Variants in DNM1 observed in about 807,000 individuals in gnomAD.
The protein encoded by DNM1 is dynamin 1, also known as dynamin-1.
DNM1 carries 29 observed loss-of-function variants against 104.6 expected under a neutral mutation model. The observed-to-expected ratio is 0.28, with a 90% confidence interval of 0.21 to 0.38. The LOEUF (loss-of-function observed/expected upper bound fraction) is 0.38. Among genes scored for constraint, DNM1 ranks in the 10% least tolerant of loss-of-function variants. The probability of loss-of-function intolerance (pLI) is 1.00; values close to 1 mark genes in which losing one functional copy is unlikely to be tolerated. For missense variants in DNM1, 640 were observed against 1,189.4 expected (o/e 0.54, Z 6.79); for synonymous variants, 445 against 475.8 (o/e 0.94, Z 0.84).
chr9:128,208,358 T>C (rs2131097895), intron 1 of DNM1, among the ~76,000 whole-genome samples: 1 of 152,290 alleles, frequency 6.6e-6, no homozygotes, highest in African/African-American at 2.4e-5. Flanking sequence ...AGCACTCAGC[T>C]CTCTGCTCTG....
chr9:128,212,284 G>T (rs907833139), intron 1 of DNM1, among the ~76,000 whole-genome samples: 4 of 152,198 alleles, frequency 2.6e-5, no homozygotes, highest in Non-Finnish European at 5.9e-5. Context: ...CTGAGTTGGG[G>T]TTCCTTCTCA....
chr9:128,236,480 G>A (rs1051840519), intron 11 of DNM1, among the ~76,000 whole-genome samples: 1 of 152,058 alleles, frequency 6.6e-6, no homozygotes, highest in South Asian at 2.1e-4. Context: ...AATCAGTATC[G>A]AAGTGGTTAA....
Position 128,245,644 on chromosome 9 carries a change from G to A in DNM1, c.1672-750G>A, listed in dbSNP as rs1173252887. Among the ~76,000 whole-genome samples the A allele has an allele frequency of 2.0e-5, 3 of 152,156 alleles. No individual in the cohort carries two copies. Among genetic ancestry groups the A allele is most frequent in the Non-Finnish European group, 2.9e-5 (2 of 68,030 alleles). On this transcript the variant is annotated intron_variant, in intron 15 of 21. Transcript: ENST00000372923. This position sits in a 1 kb window ranked among gnomAD's most constrained non-coding sequence, Gnocchi z 5.2. Reference sequence around the variant, plus strand: ...ACAGCCCATTGTACCACGGTGTGCAGGTAAGATGTGTACCCCAGTATAAGT... The same window carrying A: ...ACAGCCCATTGTACCACGGTGTGCAAGTAAGATGTGTACCCCAGTATAAGT...
At chr9:128,229,039 C>T (rs1160541753) in intron 10 of DNM1, among the ~76,000 whole-genome samples, 1 of 151,806 alleles carries the variant, frequency 6.6e-6, no homozygotes, top group Non-Finnish European at 1.5e-5. Flanking sequence ...TCTAAATATT[C>T]ACCAATAGGA....
chr9:128,214,650 T>C (rs1002985941), intron 1 of DNM1, among the ~76,000 whole-genome samples: 5 of 152,148 alleles, frequency 3.3e-5, no homozygotes, highest in African/African-American at 1.2e-4. Context: ...AGTGTGGCAT[T>C]TGGGGTTCCT....
At chr9:128,207,200 T>C (rs1304863784) in intron 1 of DNM1, among the ~76,000 whole-genome samples, 1 of 152,018 alleles carries the variant, frequency 6.6e-6, no homozygotes. Flanking sequence ...TCTGAACATA[T>C]TGAGCCTGAG....
chr9:128,206,181 C>A (rs1225649161), intron 1 of DNM1, among the ~76,000 whole-genome samples: 3 of 152,066 alleles, frequency 2.0e-5, no homozygotes. Context: ...TGGGGCTTCC[C>A]AGGAGCCAAT....
chr9:128,222,915 C>A lies in DNM1; in HGVS notation c.1196+55C>A. On this transcript the variant is annotated intron_variant, in intron 9 of 21. Coordinates refer to ENST00000372923, the MANE Select transcript of DNM1 (RefSeq NM_004408.4). The surrounding 1 kb of genome is among the most constrained non-coding windows in gnomAD (Gnocchi z 7.8). ...AACCCCAGAAGTAGGGGGTCTGGGA[C>A]AGAGGCACAGGGAGTGATGAAGTGG... The A allele has an allele frequency of 1.3e-6, 2 of 1,551,122 alleles. No homozygotes were observed. Among genetic ancestry groups the A allele is most frequent in the Non-Finnish European group, 1.8e-6 (2 of 1,124,788 alleles).
rs564575514 is a variant in DNM1 at position 128,213,912 on chromosome 9, C to T, written c.162-4319C>T. 2.6e-5 allele frequency among the ~76,000 whole-genome samples: 4 copies of T among 152,228 alleles called. No individual in the cohort carries two copies. The East Asian group carries it at 5.8e-4, about 22-fold the overall frequency. ...TCAGCTTGAAATTCATGAGCTGTGA[C>T]GGGGCTGCCTAGGGTCCCCTGGGGC... On this transcript the variant is annotated intron_variant, in intron 1 of 21. Transcript: ENST00000372923.
intron 10 of DNM1, chr9:128,226,239 G>T: frequency 6.3e-7 from 1 of 1,597,390 alleles, no homozygotes; most frequent in East Asian, 2.2e-5. Flanking sequence ...GCCTCCCGTG[G>T]GCAGAAGGAT....
intron 11 of DNM1, among the ~76,000 whole-genome samples, chr9:128,237,450 A>C (rs1836086432): frequency 6.6e-6 from 1 of 151,934 alleles, no homozygotes. Context: ...TTGTAGAGAC[A>C]GGGTTTCACC....
chr9:128,218,159 C>T lies in DNM1; in HGVS notation c.162-72C>T, dbSNP rs1021582349. On this transcript the variant is annotated intron_variant, in intron 1 of 21. Transcript: ENST00000372923. This position sits in a 1 kb window ranked among gnomAD's most constrained non-coding sequence, Gnocchi z 4.8. ...AAGGAGCTTTGGCTTTCCCAGGGGC[C>T]GGACAGGTACCCCTGGGACAGAGGG... 8 of 1,460,134 alleles carry T rather than the reference C, an allele frequency of 5.5e-6. No homozygotes were observed. The highest frequency in any genetic ancestry group is 2.3e-5 in the East Asian group (1 of 44,116). 90.4% of individuals were successfully genotyped at this position (1,460,134 alleles called of 1,614,324 possible).
intron 1 of DNM1, among the ~76,000 whole-genome samples, chr9:128,211,418 T>C (rs1690379407): frequency 6.6e-6 from 1 of 150,476 alleles, no homozygotes; most frequent in African/African-American, 2.4e-5. Flanking sequence ...CCGTGCCCTC[T>C]CTCTCACTCT....
intron 10 of DNM1, among the ~76,000 whole-genome samples, chr9:128,225,202 C>G (rs909594688): frequency 6.6e-6 from 1 of 152,332 alleles, no homozygotes; most frequent in South Asian, 2.1e-4. Context: ...TTCCACCCTC[C>G]AGCCTCCCTT....
chr9:128,209,796 C>T (rs1043711099), intron 1 of DNM1, among the ~76,000 whole-genome samples: 1 of 152,220 alleles, frequency 6.6e-6, no homozygotes, highest in African/African-American at 2.4e-5. Flanking sequence ...GGGCGGTGGG[C>T]TTGGAACTGC....
At chr9:128,246,575 G>C (rs1836829098) in intron 16 of DNM1, 72 bp downstream of exon 16, 1 of 1,172,488 alleles carries the variant, frequency 8.5e-7, no homozygotes, top group Non-Finnish European at 1.3e-6. Flanking sequence ...CTGGGTACAG[G>C]GATCCAGGGA....
At position 128,218,826 on chromosome 9, in the gene DNM1, A is replaced by AT; in HGVS notation, c.385+96dup. 1 of 1,442,804 alleles carries AT rather than the reference A, an allele frequency of 6.9e-7. No homozygotes were observed. Among genetic ancestry groups the AT allele is most frequent in the Non-Finnish European group, 9.2e-7 (1 of 1,083,728 alleles). 89.4% of individuals were successfully genotyped at this position (1,442,804 alleles called of 1,614,324 possible). ...TCCTCCTGCAGACTCCGCCCCTAGA[A>AT]TGACCCTGCCTCTGCATCATCCTAT... On this transcript the variant is annotated intron_variant, in intron 3 of 21. Transcript: ENST00000372923. The surrounding 1 kb of genome is among the most constrained non-coding windows in gnomAD (Gnocchi z 4.8).
rs755052212 is a variant in DNM1, at chr9:128,222,494, G to A, written c.1026G>A (p.Lys342=). 1 of 1,614,180 alleles carries A rather than the reference G, an allele frequency of 6.2e-7. No homozygotes were observed. Among genetic ancestry groups the A allele is most frequent in the South Asian group, 1.1e-5 (1 of 91,084 alleles). The change falls in exon 8 of 22, where the codon AAG becomes AAA. Residue 342 remains lysine, a synonymous_variant. Transcript: ENST00000372923. This position sits in a 1 kb window ranked among gnomAD's most constrained non-coding sequence, Gnocchi z 7.8. ...AGCAGTTCGCCGTAGACTTTGAGAA[G>A]CGCATTGAGGGCTCAGGAGATCAGA... The part of the protein sequence containing the change: ...MVQQFAVDFE[K]RIEGSGDQID...
At chr9:128,223,131 C>G in intron 9 of DNM1, 1 of 470,580 alleles carries the variant, frequency 2.1e-6, no homozygotes, top group Non-Finnish European at 3.9e-6. Context: ...CTGGGCCCAT[C>G]CCCAGGGTGA....
Sources: gnomAD v4.1 joint callset for allele counts (sites outside exome capture counted in the v4.1 genomes callset) on GRCh38, gnomAD v4.1.1 for gene constraint, Gnocchi (gnomAD v3.1) non-coding constraint, MANE v1.5 for transcripts, NCBI Gene and HGNC (gene_info 2026-07-23, HGNC 2026-07-21) for gene names.